The following LMBRD1 variants were observed in gnomAD, a reference collection of about 807,000 sequenced individuals.
LMBRD1 encodes the protein LMBR1 domain containing 1.
Under a neutral mutation model 74.8 loss-of-function variants are expected in LMBRD1, and 64 were observed. The observed-to-expected ratio is 0.86, with a 90% CI of 0.70 to 1.05. LMBRD1 has a LOEUF of 1.05. Among genes scored for constraint, LMBRD1 ranks in the 50% least tolerant of loss-of-function variants. The pLI, the probability that LMBRD1 is intolerant of heterozygous loss-of-function variation, is 0.00. For synonymous variants in LMBRD1, 204 were observed against 216.3 expected, an observed-to-expected ratio of 0.94 and a Z score of 0.50; for missense variants, 652 against 645.9, an observed-to-expected ratio of 1.01 and a Z score of -0.10.
At position 69,749,551 on chromosome 6, in the gene LMBRD1, T is replaced by A. The variant is rs185946585; in HGVS notation, c.406-143A>T. 78 of 693,132 alleles carry A rather than the reference T, an allele frequency of 1.1e-4. 1 individual carries two copies. The East Asian group carries it at 1.5e-3, about 13-fold the overall frequency. The allele number at this position is 693,132 out of a possible 1,614,324, so 42.9% of individuals were successfully genotyped here. ...CTAAGGTTGAAAAACAACCTTAAAA[T>A]TTAAAGAAAACAGGTATACTACATC... On this transcript the variant is annotated intron_variant, in intron 4 of 15. Transcript: ENST00000649934.
intron 4 of LMBRD1, among the ~76,000 whole-genome samples, chr6:69,750,957 T>C (rs1331434331): frequency 6.6e-6 from 1 of 152,184 alleles, no homozygotes; most frequent in African/African-American, 2.4e-5. Context: ...AATACATTTA[T>C]TTCTGTATTT....
chr6:69,756,295 G>A lies in LMBRD1; in HGVS notation c.308-3939C>T, dbSNP rs558350529. 1.1e-4 allele frequency among the ~76,000 whole-genome samples: 17 copies of A among 151,560 alleles called. No individual in the cohort carries two copies. In the East Asian group the frequency reaches 1.5e-3, roughly 14 times the overall value. On this transcript the variant is annotated intron_variant, in intron 3 of 15. Transcript: ENST00000649934. Reference sequence around the variant, plus strand: ...GGAGAATTGCTTAAACCCAGGAGGCGGAGGTTGCAGTAAGCCCAATTCGCG... The same window carrying A: ...GGAGAATTGCTTAAACCCAGGAGGCAGAGGTTGCAGTAAGCCCAATTCGCG...
intron 2 of LMBRD1, among the ~76,000 whole-genome samples, chr6:69,783,770 A>G (rs1765887936): frequency 6.6e-6 from 1 of 152,164 alleles, no homozygotes; most frequent in African/African-American, 2.4e-5. Context: ...CAAACTTCCC[A>G]CCAATTTCCA....
chr6:69,724,987 T>A (rs1766695664), intron 7 of LMBRD1, among the ~76,000 whole-genome samples: 1 of 152,046 alleles, frequency 6.6e-6, no homozygotes, highest in Admixed American at 6.6e-5. Flanking sequence ...CAAAAAACTA[T>A]TATAACTGAC....
chr6:69,708,044 G>A (rs894949386), intron 9 of LMBRD1, among the ~76,000 whole-genome samples: 5 of 152,048 alleles, frequency 3.3e-5, no homozygotes, highest in African/African-American at 4.8e-5. Flanking sequence ...ATAATTTTGT[G>A]TATAAGCATA....
chr6:69,768,747 T>C (rs1286493112), intron 3 of LMBRD1, among the ~76,000 whole-genome samples: 1 of 152,118 alleles, frequency 6.6e-6, no homozygotes. Flanking sequence ...TTTAGCATTC[T>C]TGTAAGAAAG....
In LMBRD1 at chr6:69,674,205, C is replaced by A. The variant is rs1047277719; in HGVS notation, c.*1953G>T. ...TCTCTCCCCCTTCTTATAAGAACAC[C>A]AGTCATATTGGATTTGGGCTTCACG... On this transcript the variant is annotated 3_prime_UTR_variant, in exon 16 of 16. Transcript: ENST00000649934. Among the ~76,000 whole-genome samples the A allele has an allele frequency of 6.6e-6, 1 of 152,136 alleles. No homozygotes were observed. Among genetic ancestry groups the A allele is most frequent in the African/African-American group, 2.4e-5 (1 of 41,422 alleles).
At position 69,702,404 on chromosome 6, in the gene LMBRD1, T is replaced by C. The variant is rs552814057; in HGVS notation, c.916-451A>G. 2.6e-5 allele frequency among the ~76,000 whole-genome samples: 4 copies of C among 151,822 alleles called. No homozygotes were observed. In the South Asian group the frequency reaches 6.2e-4, roughly 24 times the overall value. On this transcript the variant is annotated intron_variant, in intron 9 of 15. Coordinates refer to ENST00000649934, the MANE Select transcript of LMBRD1 (RefSeq NM_018368.4). ...AGTAATAATATATATAAATGATATA[T>C]ATAGTGGTTAAATTATATTACAATC...
At chr6:69,745,172 T>C (rs1249751871) in intron 5 of LMBRD1, among the ~76,000 whole-genome samples, 2 of 151,840 alleles carry the variant, frequency 1.3e-5, no homozygotes, top group Non-Finnish European at 2.9e-5. Context: ...CATACATATT[T>C]ATTTTCATGC....
In LMBRD1 at chr6:69,713,761, G is replaced by T; in HGVS notation, c.799C>A (p.Arg267Ser). The T allele has an allele frequency of 6.2e-7, 1 of 1,613,558 alleles. No homozygotes were observed. Among genetic ancestry groups the T allele is most frequent in the Non-Finnish European group, 8.5e-7 (1 of 1,179,694 alleles). The change falls in exon 9 of 16, where the codon CGC becomes AGC. Residue 267 changes from arginine (R) to serine (S), a missense_variant. Around this residue, in one of 3 missense-constraint regions of LMBRD1, gnomAD observed 598 missense variants for 581.8 expected, o/e 1.03. Transcript: ENST00000649934. ...CTTTCTTCAAATTGTTTTAAGGCGCGTTTATCCCTTGCTGGCAAAGGTCGA... is the reference window on the plus strand; with the variant it reads ...CTTTCTTCAAATTGTTTTAAGGCGCTTTTATCCCTTGCTGGCAAAGGTCGA... ...DGRPLPARDK[R>S]ALKQFEERLR...
rs368402157 is a variant in LMBRD1 at position 69,699,048 on chromosome 6, T to C, written c.1333A>G (p.Ile445Val). 1.1e-5 allele frequency: 17 copies of C among 1,582,318 alleles called. No homozygotes were observed. The highest frequency in any genetic ancestry group is 1.4e-5 in the Non-Finnish European group (16 of 1,152,392). Residue 445 changes from isoleucine to valine, a missense_variant, in exon 13 of 16, where the codon ATA becomes GTA. This residue lies in a region of LMBRD1 where 598 missense variants were observed against 581.8 expected (regional missense o/e 1.03). Transcript: ENST00000649934. Reference sequence around the variant, plus strand: ...GTTTCAAATATTTCACTTACCTCTATTAAGTAATTTTGGCTTCCATACATA... The same window carrying C: ...GTTTCAAATATTTCACTTACCTCTACTAAGTAATTTTGGCTTCCATACATA... ...YVMYGSQNYLIETNITSDNHK... is the reference protein window; with the variant it reads ...YVMYGSQNYLVETNITSDNHK...
At chr6:69,695,179 T>C (rs1350040762) in intron 14 of LMBRD1, among the ~76,000 whole-genome samples, 1 of 128,674 alleles carries the variant, frequency 7.8e-6, no homozygotes, top group Admixed American at 8.0e-5. Context: ...TCATCCTTTC[T>C]GACATTTTTC....
At chr6:69,762,800 C>T (rs928125134) in intron 3 of LMBRD1, among the ~76,000 whole-genome samples, 7 of 152,196 alleles carry the variant, frequency 4.6e-5, no homozygotes, top group Admixed American at 6.6e-5. Context: ...CATGCAAGGA[C>T]GCAGCAAGAA....
Position 69,796,971 on chromosome 6 carries a change from G to T in LMBRD1, c.-90C>A. On this transcript the variant is annotated 5_prime_UTR_variant, in exon 1 of 16. Transcript: ENST00000649934. The stretch of plus-strand genomic sequence containing the variant: ...AGAGCGCGAGATATACTGCACCCGC[G>T]CACCCTAAAGGTTAAAGGGGCGGAG... 5 of 1,127,532 alleles carry T rather than the reference G, an allele frequency of 4.4e-6. No homozygotes were observed. The highest frequency in any genetic ancestry group is 6.6e-6 in the Non-Finnish European group (5 of 762,436). The allele number at this position is 1,127,532 out of a possible 1,614,324, so 69.8% of individuals were successfully genotyped here.
At chr6:69,763,444 G>C (rs943335047) in intron 3 of LMBRD1, among the ~76,000 whole-genome samples, 1 of 152,148 alleles carries the variant, frequency 6.6e-6, no homozygotes, top group Non-Finnish European at 1.5e-5. Context: ...AACTGAAGGG[G>C]AGGAAGATGG....
chr6:69,747,623 A>G (rs1765014978), intron 5 of LMBRD1, among the ~76,000 whole-genome samples: 1 of 152,230 alleles, frequency 6.6e-6, no homozygotes, highest in South Asian at 2.1e-4. Context: ...AACATCTGGT[A>G]TGTATCTCCT....
intron 14 of LMBRD1, among the ~76,000 whole-genome samples, chr6:69,678,359 G>C (rs1274066743): frequency 6.6e-6 from 1 of 152,030 alleles, no homozygotes; most frequent in Non-Finnish European, 1.5e-5. Context: ...TGGTCTTGCT[G>C]TCTCAAGTGG....
At position 69,749,278 on chromosome 6, in the gene LMBRD1, AT is replaced by A. The variant is rs544323762; in HGVS notation, c.473+62del. On this transcript the variant is annotated intron_variant, in intron 5 of 15. Coordinates refer to ENST00000649934, the MANE Select transcript of LMBRD1 (RefSeq NM_018368.4). Reference sequence around the variant, plus strand: ...CTAGATTTTTCTGAATGATCCTTTTATTTTTTTTTTCAAATAATTCTATTTC... The same window carrying A: ...CTAGATTTTTCTGAATGATCCTTTTATTTTTTTTTCAAATAATTCTATTTC... 1.8e-3 allele frequency: 2,013 copies of A among 1,149,972 alleles called. 6 individuals carry two copies. Among genetic ancestry groups the A allele is most frequent in the African/African-American group, 0.015 (816 of 55,338 alleles). The allele number at this position is 1,149,972 out of a possible 1,614,324, so 71.2% of individuals were successfully genotyped here.
chr6:69,703,677 T>C (rs1430613473), intron 9 of LMBRD1, among the ~76,000 whole-genome samples: 1 of 152,006 alleles, frequency 6.6e-6, no homozygotes, highest in African/African-American at 2.4e-5. Flanking sequence ...GATGACCACA[T>C]TGGGTTGACC....
Sources: allele counts gnomAD v4.1 joint callset (sites outside exome capture counted in the v4.1 genomes callset), GRCh38; gene constraint gnomAD v4.1.1; regional missense constraint gnomAD v4.1.1; transcripts MANE v1.5; gene names NCBI Gene and HGNC (gene_info 2026-07-23, HGNC 2026-07-21).